ATP10B: variants seen among roughly 807,000 people sequenced by gnomAD.
The protein encoded by ATP10B is ATPase phospholipid transporting 10B (putative), also known as phospholipid-transporting ATPase VB.
A neutral mutation model predicts 141.2 loss-of-function variants in ATP10B; 122 were observed. That is an observed-to-expected ratio of 0.86 (90% CI 0.75 to 1.00). The LOEUF is 1.00. Ranked by LOEUF, ATP10B falls within the 50% of genes least tolerant of loss-of-function variation. The probability of loss-of-function intolerance (pLI) is 0.00; values close to 1 mark genes in which losing one functional copy is unlikely to be tolerated. For synonymous variants in ATP10B, 685 were observed against 692.0 expected (o/e 0.99, Z 0.16); for missense variants, 1,876 against 1,825.3 (o/e 1.03, Z -0.51).
the ATP10B span, among the ~76,000 whole-genome samples, chr5:160,917,832 G>C: frequency 2.0e-5 from 3 of 152,192 alleles, no homozygotes; most frequent in African/African-American, 4.8e-5. Context: ...TGCTGCCTCA[G>C]CAGTTGTTAG....
At chr5:160,626,434 G>C (rs1426605867) in intron 13 of ATP10B, among the ~76,000 whole-genome samples, 1 of 152,140 alleles carries the variant, frequency 6.6e-6, no homozygotes, top group South Asian at 2.1e-4. Flanking sequence ...ATCATCCTAA[G>C]AGCACTGATA....
intron 7 of ATP10B, among the ~76,000 whole-genome samples, chr5:160,649,916 G>A (rs970058495): frequency 2.0e-5 from 3 of 151,668 alleles, no homozygotes; most frequent in Non-Finnish European, 2.9e-5. Context: ...TCAGGAGATC[G>A]AGACCAGCCT....
intron 2 of ATP10B, among the ~76,000 whole-genome samples, chr5:160,778,787 A>G (rs1770519601): frequency 1.3e-5 from 2 of 152,218 alleles, no homozygotes; most frequent in Admixed American, 1.3e-4. Context: ...AGACCACTTT[A>G]TCGACTAATT....
chr5:160,656,699 G>T (rs538326629), intron 7 of ATP10B, among the ~76,000 whole-genome samples: 2 of 151,560 alleles, frequency 1.3e-5, no homozygotes, highest in East Asian at 3.9e-4. Flanking sequence ...AGTCACAAAG[G>T]GTCTTTTTTT....
intron 22 of ATP10B, 148 bp downstream of exon 22, chr5:160,598,622 A>T: frequency 4.1e-6 from 3 of 724,690 alleles, no homozygotes; most frequent in Non-Finnish European, 7.1e-6. Context: ...GAAAGGAGAG[A>T]GGAGTTACTC....
intron 10 of ATP10B, among the ~76,000 whole-genome samples, chr5:160,638,638 C>T (rs1304824669): frequency 1.3e-5 from 2 of 152,204 alleles, no homozygotes; most frequent in African/African-American, 2.4e-5. Flanking sequence ...TGTAGTGGCA[C>T]ACAAAGTCTC....
At chr5:160,787,118 A>ACACACACACAC (rs1339970198) in intron 1 of ATP10B, among the ~76,000 whole-genome samples, 3 of 117,840 alleles carry the variant, frequency 2.5e-5, no homozygotes, top group Admixed American at 7.9e-5. Context: ...ACACACACAC[A>ACACACACACAC]CACACACACA....
At chr5:160,858,612 T>TA in the ATP10B span, among the ~76,000 whole-genome samples, 2 of 151,974 alleles carry the variant, frequency 1.3e-5, no homozygotes, top group African/African-American at 4.8e-5. Context: ...ATAATGTGAT[T>TA]ATTAATATGT....
In ATP10B at chr5:160,632,135, G is replaced by A; in HGVS notation, c.1614C>T (p.Ser538=). 6.2e-7 allele frequency: 1 copy of A among 1,611,676 alleles called. No individual in the cohort carries two copies. The highest frequency in any genetic ancestry group is 8.5e-7 in the Non-Finnish European group (1 of 1,178,068). The part of the protein sequence containing the change: ...ESSQPPVAFS[S]SIEKDVTPDK... Reference sequence around the variant, plus strand: ...GGCAAAAGTCAGGACTTACTATGGAGCTGCTGAAGGCCACAGGAGGCTGTG... The same window carrying A: ...GGCAAAAGTCAGGACTTACTATGGAACTGCTGAAGGCCACAGGAGGCTGTG... The change falls in exon 13 of 26, where the codon AGC becomes AGT. Residue 538 remains serine, a synonymous_variant. Coordinates refer to ENST00000327245, the MANE Select transcript of ATP10B (RefSeq NM_025153.3).
intron 2 of ATP10B, among the ~76,000 whole-genome samples, chr5:160,760,011 C>T (rs1015066597): frequency 1.3e-5 from 2 of 152,166 alleles, no homozygotes; most frequent in African/African-American, 4.8e-5. Flanking sequence ...GTCTTGGACT[C>T]TGTCTTTTAC....
At chr5:160,806,667 C>T (rs1028632701) in intron 1 of ATP10B, among the ~76,000 whole-genome samples, 3 of 152,184 alleles carry the variant, frequency 2.0e-5, no homozygotes, top group Non-Finnish European at 2.9e-5. Flanking sequence ...AGGCGTTTGA[C>T]TAATATGTTT....
At chr5:160,580,533 C>T (rs945210387) in intron 24 of ATP10B, among the ~76,000 whole-genome samples, 1 of 152,130 alleles carries the variant, frequency 6.6e-6, no homozygotes, top group African/African-American at 2.4e-5. Flanking sequence ...GGTGGATAAG[C>T]TTTTTGATGT....
intron 22 of ATP10B, among the ~76,000 whole-genome samples, chr5:160,597,489 G>A (rs1224329349): frequency 2.0e-5 from 3 of 152,134 alleles, no homozygotes; most frequent in Non-Finnish European, 4.4e-5. Context: ...TCATGCACAA[G>A]GACTTCATGT....
chr5:160,851,150 G>A (rs1264890360), intron 1 of ATP10B, among the ~76,000 whole-genome samples: 3 of 152,136 alleles, frequency 2.0e-5, no homozygotes, highest in Non-Finnish European at 2.9e-5. Context: ...TGCCTACCTG[G>A]CAAATTCAGA....
Position 160,686,091 on chromosome 5 carries a change from C to T in ATP10B, c.458G>A (p.Arg153Gln), listed in dbSNP as rs201710345. 168 of 1,562,418 alleles carry T rather than the reference C, an allele frequency of 1.1e-4. No homozygotes were observed. The highest frequency in any genetic ancestry group is 1.4e-4 in the Non-Finnish European group (161 of 1,148,636). ...FDKAINCSNI[R>Q]IYERKEQTYV... ...TGGTTTTTCTTACCTTTCATAAATT[C>T]GAATGTTGGAGCAGTTTATTGCTTT... Residue 153 changes from arginine to glutamine, a missense_variant, in exon 6 of 26, where the codon CGA (arginine) becomes CAA (glutamine). Physicochemically the swap from Arg to Gln is conservative, Grantham distance 43. Transcript: ENST00000327245.
chr5:160,579,154 G>A (rs1561620655), intron 24 of ATP10B, among the ~76,000 whole-genome samples: 1 of 152,100 alleles, frequency 6.6e-6, no homozygotes, highest in African/African-American at 2.4e-5. Flanking sequence ...AGTTTCTTTT[G>A]CTGTGCAGAA....
chr5:160,655,348 C>A, intron 7 of ATP10B, among the ~76,000 whole-genome samples: 1 of 151,850 alleles, frequency 6.6e-6, no homozygotes, highest in East Asian at 1.9e-4. Context: ...GAAGGTTCCA[C>A]CCCCGCCAAT....
At chr5:160,662,174 T>C (rs1202537112) in intron 7 of ATP10B, among the ~76,000 whole-genome samples, 1 of 152,160 alleles carries the variant, frequency 6.6e-6, no homozygotes, top group Non-Finnish European at 1.5e-5. Context: ...GAACATTCCA[T>C]GCTCATGGGT....
Position 160,597,417 on chromosome 5 carries a change from C to T in ATP10B, c.3564+1353G>A, listed in dbSNP as rs533677038. 6.7e-3 allele frequency among the ~76,000 whole-genome samples: 1,025 copies of T among 152,198 alleles called. 9 individuals are homozygous for T. The highest frequency in any genetic ancestry group is 0.018 in the African/African-American group (766 of 41,534). ...ATTCAAGATGGATTAAAGACTTAAA[C>T]GTTAGACCTAAAACCATAAAAACCC... On this transcript the variant is annotated intron_variant, in intron 22 of 25. Transcript: ENST00000327245.
Sources: allele counts gnomAD v4.1 joint callset (sites outside exome capture counted in the v4.1 genomes callset), GRCh38; gene constraint gnomAD v4.1.1; transcripts MANE v1.5; gene names NCBI Gene and HGNC (gene_info 2026-07-23, HGNC 2026-07-21).